Variants in BCAS3 observed in about 807,000 individuals in gnomAD.
The protein encoded by BCAS3 is BCAS3 microtubule associated cell migration factor, also known as BCAS4/BCAS3 fusion.
In BCAS3, 53 loss-of-function variants were observed where a neutral mutation model predicts 116.1. That is an observed-to-expected ratio of 0.46 (90% CI 0.37 to 0.57). BCAS3 has a LOEUF of 0.57. Among genes scored for constraint, BCAS3 ranks in the 20% least tolerant of loss-of-function variants. The pLI, the probability that BCAS3 is intolerant of heterozygous loss-of-function variation, is 0.00. For synonymous variants in BCAS3, 391 were observed against 408.2 expected, an observed-to-expected ratio of 0.96 and a Z score of 0.51; for missense variants, 917 against 1,165.4, an observed-to-expected ratio of 0.79 and a Z score of 3.10.
At chr17:60,724,440 AAAG>A (rs1404603915) in intron 5 of BCAS3, among the ~76,000 whole-genome samples, 2 of 146,170 alleles carry the variant, frequency 1.4e-5, no homozygotes, top group African/African-American at 5.0e-5. Context: ...AAAAAAAAAA[AAAG>A]GCCGGATGCG....
intron 5 of BCAS3, among the ~76,000 whole-genome samples, chr17:60,715,758 C>T (rs2038524400): frequency 6.6e-6 from 1 of 152,170 alleles, no homozygotes; most frequent in Admixed American, 6.5e-5. Context: ...GCTGGGATTA[C>T]AGGTGTGAGC....
In BCAS3 at chr17:61,202,005, A is replaced by G. The variant is rs962376039; in HGVS notation, c.2425+117441A>G. Among the ~76,000 whole-genome samples the G allele has an allele frequency of 6.1e-4, 82 of 133,574 alleles. 3 individuals carry two copies. The highest frequency in any genetic ancestry group is 3.4e-4 in the Non-Finnish European group (22 of 64,188). 87.6% of individuals were successfully genotyped at this position (133,574 alleles called of 152,430 possible). On this transcript the variant is annotated intron_variant, in intron 22 of 23. Transcript: ENST00000407086. ...AAACTCCTGACCTCGTGATCCTCCC[A>G]CCTCAGCCTCCCAAAGTGCTGGGAT...
At chr17:61,054,423 G>C (rs535400310) in intron 19 of BCAS3, among the ~76,000 whole-genome samples, 40 of 152,236 alleles carry the variant, frequency 2.6e-4, no homozygotes, top group African/African-American at 8.2e-4. Context: ...CTGGAGTGCC[G>C]TGGCATGATC....
At chr17:60,937,512 T>C (rs1412212854) in intron 13 of BCAS3, among the ~76,000 whole-genome samples, 1 of 152,248 alleles carries the variant, frequency 6.6e-6, no homozygotes, top group Non-Finnish European at 1.5e-5. Context: ...TGTTGAATTT[T>C]ATTTATGTAT....
intron 5 of BCAS3, among the ~76,000 whole-genome samples, chr17:60,742,552 C>T (rs2041663126): frequency 6.6e-6 from 1 of 151,244 alleles, no homozygotes; most frequent in Non-Finnish European, 1.5e-5. Flanking sequence ...CCCACCTCAG[C>T]CTCCCGAGTA....
rs545650722 is a variant in BCAS3, at chr17:61,110,461, C to T, written c.2425+25897C>T. 3.6e-3 allele frequency among the ~76,000 whole-genome samples: 555 copies of T among 152,164 alleles called. 4 individuals are homozygous for T. The highest frequency in any genetic ancestry group is 0.013 in the African/African-American group (529 of 41,512). Reference sequence around the variant, plus strand: ...GCAAGGGGTCAGGGAGTTCCCTTTCCGAGTCAAAGAAAGGGGTGACGGACG... The same window carrying T: ...GCAAGGGGTCAGGGAGTTCCCTTTCTGAGTCAAAGAAAGGGGTGACGGACG... On this transcript the variant is annotated intron_variant, in intron 22 of 23. Transcript: ENST00000407086.
At chr17:60,759,232 C>G (rs555820239) in intron 6 of BCAS3, among the ~76,000 whole-genome samples, 1 of 152,244 alleles carries the variant, frequency 6.6e-6, no homozygotes, top group East Asian at 1.9e-4. Flanking sequence ...TATTTAATGG[C>G]CTTATATAGT....
chr17:60,846,199 G>A (rs2052518747), intron 7 of BCAS3, among the ~76,000 whole-genome samples: 1 of 152,052 alleles, frequency 6.6e-6, no homozygotes, highest in East Asian at 1.9e-4. Flanking sequence ...CAAAGTGTTG[G>A]GATTACAGGC....
In BCAS3 at chr17:61,139,244, A is replaced by T. The variant is rs2076797673; in HGVS notation, c.2425+54680A>T. 6.6e-6 allele frequency among the ~76,000 whole-genome samples: 1 copy of T among 152,228 alleles called. No individual in the cohort carries two copies. The highest frequency in any genetic ancestry group is 2.4e-5 in the African/African-American group (1 of 41,458). On this transcript the variant is annotated intron_variant, in intron 22 of 23. Coordinates refer to ENST00000407086, the MANE Select transcript of BCAS3 (RefSeq NM_017679.5). The surrounding 1 kb of genome is among the most constrained non-coding windows in gnomAD (Gnocchi z 4.7). Reference sequence around the variant, plus strand: ...TAGAGTTATAGATGATCTAATCTAAAAAGTTGGAGGACTTAAAAAGAAAGT... The same window carrying T: ...TAGAGTTATAGATGATCTAATCTAATAAGTTGGAGGACTTAAAAAGAAAGT...
intron 22 of BCAS3, among the ~76,000 whole-genome samples, chr17:61,312,722 C>T (rs890367535): frequency 1.3e-5 from 2 of 152,140 alleles, no homozygotes; most frequent in Non-Finnish European, 2.9e-5. Flanking sequence ...CCCTAAAGGC[C>T]AGGAAGCCAT....
At chr17:60,892,338 GT>G (rs2057218457) in intron 10 of BCAS3, among the ~76,000 whole-genome samples, 1 of 145,978 alleles carries the variant, frequency 6.9e-6, no homozygotes, top group Admixed American at 6.8e-5. Flanking sequence ...TTGAGACAGA[GT>G]TTTGCTTTTG....
At chr17:60,989,479 G>GTTT (rs11314373) in intron 14 of BCAS3, among the ~76,000 whole-genome samples, 3 of 135,186 alleles carry the variant, frequency 2.2e-5, no homozygotes, top group Admixed American at 7.4e-5. Context: ...AAATAAAGTT[G>GTTT]TTTTTTTTTT....
At chr17:61,153,567 G>A (rs779808896) in intron 22 of BCAS3, among the ~76,000 whole-genome samples, 5 of 152,292 alleles carry the variant, frequency 3.3e-5, no homozygotes, top group East Asian at 1.9e-4. Context: ...GAATTCATAA[G>A]AGAAGTTAGC....
rs903457128 is a variant in BCAS3, at chr17:61,008,710, TA to T, written c.1487-7032del. 1.7e-4 allele frequency among the ~76,000 whole-genome samples: 26 copies of T among 149,930 alleles called. No individual in the cohort carries two copies. The highest frequency in any genetic ancestry group is 3.4e-3 in the Middle Eastern group (1 of 294). ...TACCAAAAAATAAAAAATAAAAAAA[TA>T]AAAAAAAAGGCCCCGTAGAACTCAT... On this transcript the variant is annotated intron_variant, in intron 15 of 23. Coordinates refer to ENST00000407086, the MANE Select transcript of BCAS3 (RefSeq NM_017679.5). The surrounding 1 kb of genome is among the most constrained non-coding windows in gnomAD (Gnocchi z 4.6).
chr17:60,762,708 T>C (rs2043662015), intron 6 of BCAS3, among the ~76,000 whole-genome samples: 1 of 152,202 alleles, frequency 6.6e-6, no homozygotes, highest in East Asian at 1.9e-4. Context: ...ATATGAACTT[T>C]AAAGTAGTTT....
intron 22 of BCAS3, among the ~76,000 whole-genome samples, chr17:61,123,630 G>C (rs550786434): frequency 1.6e-4 from 24 of 151,780 alleles, no homozygotes; most frequent in Non-Finnish European, 3.4e-4. Flanking sequence ...TTTTTATTGG[G>C]GGGGAGTGGG....
At chr17:60,789,510 C>T (rs1427549339) in intron 6 of BCAS3, among the ~76,000 whole-genome samples, 1 of 152,052 alleles carries the variant, frequency 6.6e-6, no homozygotes, top group Non-Finnish European at 1.5e-5. Flanking sequence ...TGTTATAGGA[C>T]AGAATTAAAA....
In BCAS3 at chr17:61,161,672, G is replaced by A. The variant is rs2144061876; in HGVS notation, c.2425+77108G>A. Among the ~76,000 whole-genome samples the A allele has an allele frequency of 6.6e-6, 1 of 152,266 alleles. No homozygotes were observed. The highest frequency in any genetic ancestry group is 1.9e-4 in the East Asian group (1 of 5,176). On this transcript the variant is annotated intron_variant, in intron 22 of 23. Transcript: ENST00000407086. The surrounding 1 kb of genome is among the most constrained non-coding windows in gnomAD (Gnocchi z 4.8). ...GCCATCTGGAAAGGTGATGTCAACGGAGGGTAGGGTGGTTGCTGGTGGAGG... is the reference window on the plus strand; with the variant it reads ...GCCATCTGGAAAGGTGATGTCAACGAAGGGTAGGGTGGTTGCTGGTGGAGG...
chr17:61,212,379 T>G (rs1195116537), intron 22 of BCAS3, among the ~76,000 whole-genome samples: 1 of 152,056 alleles, frequency 6.6e-6, no homozygotes, highest in African/African-American at 2.4e-5. Context: ...CTGAGATAAC[T>G]AGTGAGGGCC....
Sources: allele counts gnomAD v4.1 joint callset (sites outside exome capture counted in the v4.1 genomes callset), GRCh38; gene constraint gnomAD v4.1.1; non-coding constraint Gnocchi (gnomAD v3.1); transcripts MANE v1.5; gene names NCBI Gene and HGNC (gene_info 2026-07-23, HGNC 2026-07-21).